The following OTOG variants were observed in gnomAD, a reference collection of about 807,000 sequenced individuals.
OTOG encodes the protein otogelin.
In OTOG, 296 loss-of-function variants were observed where a neutral mutation model predicts 313.8. The ratio of observed to expected loss-of-function variants is 0.94; its 90% CI spans 0.86 to 1.04. The LOEUF (loss-of-function observed/expected upper bound fraction) is 1.04, where lower values mean the gene tolerates loss of function less well. OTOG is among the 50% of genes least tolerant of loss of function. The probability of loss-of-function intolerance (pLI) is 0.00; values close to 1 mark genes in which losing one functional copy is unlikely to be tolerated. For missense variants in OTOG, 3,948 were observed against 3,840.1 expected (o/e 1.03, Z -0.74); for synonymous variants, 1,533 against 1,554.9 (o/e 0.99, Z 0.33).
chr11:17,613,389 C>CTTCA (rs1221069251), intron 38 of OTOG, among the ~76,000 whole-genome samples: 29 of 133,058 alleles, frequency 2.2e-4, no homozygotes, highest in African/African-American at 7.9e-4. Context: ...TCCTTCCTTC[C>CTTCA]TTCCTTCCTT....
intron 53 of OTOG, among the ~76,000 whole-genome samples, chr11:17,643,098 G>A (rs1032551432): frequency 2.0e-5 from 3 of 152,230 alleles, no homozygotes; most frequent in Admixed American, 6.5e-5. Context: ...CTGAGGTAGA[G>A]CCCAGGCCAC....
chr11:17,633,537 C>G (rs990543346), intron 42 of OTOG, 143 bp from the exon 43 acceptor site: 29 of 742,044 alleles, frequency 3.9e-5, no homozygotes, highest in Non-Finnish European at 2.1e-6. Flanking sequence ...GTGATGTCAC[C>G]AAGCCCTTTA....
chr11:17,640,804 C>T lies in OTOG; in HGVS notation c.7995C>T (p.Cys2665=), dbSNP rs200809116. 2.6e-5 allele frequency: 40 copies of T among 1,550,192 alleles called. 1 individual carries two copies. In the Middle Eastern group the frequency reaches 1.7e-3, roughly 64 times the overall value. Residue 2665 remains cysteine (C), a synonymous_variant, in exon 50 of 56, where the codon TGC becomes TGT. Coordinates refer to ENST00000399397, the MANE Select transcript of OTOG (RefSeq NM_001292063.2). Reference sequence around the variant, plus strand: ...ACAGCGTGGAGAATGTGTGTGGCTGCGCCAAGTACGAGTGTGGTGAGTGGG... The same window carrying T: ...ACAGCGTGGAGAATGTGTGTGGCTGTGCCAAGTACGAGTGTGGTGAGTGGG... ...FMHSVENVCG[C]AKYECVKAPV... is the part of the protein sequence containing the mutation.
intron 5 of OTOG, 64 bp from the exon 6 acceptor site, chr11:17,553,301 C>A (rs1565088243): frequency 1.3e-6 from 2 of 1,501,502 alleles, no homozygotes; most frequent in Non-Finnish European, 1.8e-6. Flanking sequence ...GGGCTGGAAC[C>A]CACCAGCCTC....
chr11:17,632,255 A>G (rs756230066), intron 42 of OTOG, 29 bp downstream of exon 42: 6 of 1,539,686 alleles, frequency 3.9e-6, no homozygotes, highest in Admixed American at 2.0e-5. Context: ...GGGACCCTCC[A>G]TTGTGACTAT....
In OTOG at chr11:17,552,044, G is replaced by A. The variant is rs759867040; in HGVS notation, c.261G>A (p.Arg87=). The change falls in exon 4 of 56, where the codon AGG becomes AGA. Residue 87 remains arginine (R), a synonymous_variant. Transcript: ENST00000399397. ...CCGTGGCCATGTCTTCCTGGGAAAG[G>A]CGGCTCCATCGGGCCAAGTGTGCAC... ...PDSVAMSSWE[R]RLHRAKCAPS... The A allele has an allele frequency of 5.2e-6, 8 of 1,550,428 alleles. No homozygotes were observed.
chr11:17,579,695 G>T (rs916298075), intron 23 of OTOG, among the ~76,000 whole-genome samples: 1 of 152,168 alleles, frequency 6.6e-6, no homozygotes, highest in Non-Finnish European at 1.5e-5. Context: ...ACTGAAGGCC[G>T]CTTGTGACAC....
rs1018203940 is a variant in OTOG, at chr11:17,601,041, C to A, written c.3710-1169C>A. Among the ~76,000 whole-genome samples, 5 of 152,240 alleles carry A rather than the reference C, an allele frequency of 3.3e-5. 1 individual carries two copies. Among genetic ancestry groups the A allele is most frequent in the African/African-American group, 1.2e-4 (5 of 41,458 alleles). ...CATTCAGTTGGTAGTTTCCAGTTGA[C>A]CCCTGGTGGGAGTGTTTACGCCATG... On this transcript the variant is annotated intron_variant, in intron 31 of 55. Coordinates refer to ENST00000399397, the MANE Select transcript of OTOG (RefSeq NM_001292063.2).
Position 17,577,652 on chromosome 11 carries a change from G to A in OTOG, c.2606-721G>A, listed in dbSNP as rs193289337. Among the ~76,000 whole-genome samples, 22 of 152,166 alleles carry A rather than the reference G, an allele frequency of 1.4e-4. No individual in the cohort carries two copies. In the South Asian group the frequency reaches 3.9e-3, roughly 27 times the overall value. ...TTCCTGCATCCTCCCCATGTTTTGT[G>A]TATAATCCTGGAAGCGCTTTTCCTT... is the stretch of plus-strand genomic sequence containing the variant. On this transcript the variant is annotated intron_variant, in intron 22 of 55. Coordinates refer to ENST00000399397, the MANE Select transcript of OTOG (RefSeq NM_001292063.2).
In OTOG at chr11:17,559,049, C is replaced by G. The variant is rs1852118342; in HGVS notation, c.1104-3C>G. ...CAGTGTGACCCTTGGTTTCTCTGCA[C>G]AGATCAATGGGTGATGTAGCCACCT... On this transcript the variant is annotated splice_region_variant and splice_polypyrimidine_tract_variant and intron_variant, in intron 10 of 55. Coordinates refer to ENST00000399397, the MANE Select transcript of OTOG (RefSeq NM_001292063.2). 6.5e-7 allele frequency: 1 copy of G among 1,547,784 alleles called. No homozygotes were observed. The highest frequency in any genetic ancestry group is 8.7e-7 in the Non-Finnish European group (1 of 1,146,152).
chr11:17,578,292 C>T (rs953093749), intron 22 of OTOG, 81 bp from the exon 23 acceptor site: 4 of 1,409,298 alleles, frequency 2.8e-6, no homozygotes, highest in Admixed American at 3.1e-5. Context: ...TCTCTCCCTC[C>T]ATCCTCCAGC....
At chr11:17,590,807 A>T (rs1852913708) in intron 24 of OTOG, among the ~76,000 whole-genome samples, 1 of 152,030 alleles carries the variant, frequency 6.6e-6, no homozygotes, top group East Asian at 1.9e-4. Context: ...GAGAGACTGT[A>T]CCCTTTATTT....
At chr11:17,558,675 C>T (rs1434345035) in intron 10 of OTOG, 31 bp downstream of exon 10, 3 of 1,538,204 alleles carry the variant, frequency 2.0e-6, no homozygotes, top group East Asian at 2.4e-5. Flanking sequence ...CTATGGGGAA[C>T]CCTCTAGTAT....
At chr11:17,606,243 C>A in intron 33 of OTOG, 108 bp downstream of exon 33, 3 of 1,352,702 alleles carry the variant, frequency 2.2e-6, no homozygotes, top group Non-Finnish European at 2.9e-6. Flanking sequence ...AAGCAGAATC[C>A]TCCTTCTCCT....
rs1295552178 is a variant in OTOG at position 17,610,374 on chromosome 11, A to C, written c.5074A>C (p.Ser1692Arg). Reference protein sequence around the residue: ...PQPTQAQSASSPSTPLTVAGT... With the variant: ...PQPTQAQSASRPSTPLTVAGT... ...GCCCACCCAGGCCCAGAGTGCTTCAAGTCCCAGCACCCCTCTAACTGTGGC... is the reference window on the plus strand; with the variant it reads ...GCCCACCCAGGCCCAGAGTGCTTCACGTCCCAGCACCCCTCTAACTGTGGC... The change falls in exon 36 of 56, where the codon AGT (serine) becomes CGT (arginine). Residue 1692 changes from serine (S) to arginine (R), a missense_variant. Ser to Arg is a moderately radical substitution (Grantham distance 110, BLOSUM62 -1). Transcript: ENST00000399397. The C allele has an allele frequency of 1.3e-6, 2 of 1,550,552 alleles. No homozygotes were observed. The highest frequency in any genetic ancestry group is 2.7e-5 in the African/African-American group (2 of 73,064).
At chr11:17,575,340 AG>A (rs1852500655) in intron 20 of OTOG, among the ~76,000 whole-genome samples, 1 of 152,238 alleles carries the variant, frequency 6.6e-6, no homozygotes, top group Non-Finnish European at 1.5e-5. Flanking sequence ...CTTAATGGAC[AG>A]GTGGCAACAA....
Position 17,633,758 on chromosome 11 carries a change from T to A in OTOG, c.7151T>A (p.Ile2384Lys). 6.4e-7 allele frequency: 1 copy of A among 1,550,522 alleles called. No homozygotes were observed. Among genetic ancestry groups the A allele is most frequent in the Non-Finnish European group, 8.7e-7 (1 of 1,146,948 alleles). Reference protein sequence around the residue: ...CEPPKTCQDGILGPLDPEHCQ... With the variant: ...CEPPKTCQDGKLGPLDPEHCQ... ...CCACCCAAGACATGCCAGGATGGGA[T>A]ACTAGGGCCTCTGGACCCAGAGCAC... The change falls in exon 43 of 56, where the codon ATA (isoleucine) becomes AAA (lysine). Residue 2384 changes from isoleucine to lysine, a missense_variant. Transcript: ENST00000399397.
chr11:17,564,117 C>T (rs1208269544), intron 15 of OTOG, among the ~76,000 whole-genome samples: 1 of 152,084 alleles, frequency 6.6e-6, no homozygotes, highest in Non-Finnish European at 1.5e-5. Context: ...GGCCAGCTCT[C>T]CTCCTTGTGA....
chr11:17,643,341 G>A (rs775545528), intron 53 of OTOG, 120 bp from the exon 54 acceptor site: 71 of 631,618 alleles, frequency 1.1e-4, no homozygotes, highest in African/African-American at 1.7e-4. Flanking sequence ...CTCCTGCCCT[G>A]GGGCATCACG....
Sources: gnomAD v4.1 joint callset for allele counts (sites outside exome capture counted in the v4.1 genomes callset) on GRCh38, gnomAD v4.1.1 for gene constraint, MANE v1.5 for transcripts, NCBI Gene and HGNC (gene_info 2026-07-23, HGNC 2026-07-21) for gene names.